Variants in PCDH15 observed in about 807,000 individuals in gnomAD.
PCDH15 encodes the protein protocadherin related 15, also known as protocadherin-15.
A neutral mutation model predicts 178.5 loss-of-function variants in PCDH15; 129 were observed. That is an observed-to-expected ratio of 0.72 (90% CI 0.63 to 0.84). The LOEUF (loss-of-function observed/expected upper bound fraction) is 0.84. Ranked by LOEUF, PCDH15 falls within the 40% of genes least tolerant of loss-of-function variation. The pLI is 0.00. For synonymous variants in PCDH15, 800 were observed against 732.0 expected, an observed-to-expected ratio of 1.09 and a Z score of -1.50; for missense variants, 2,230 against 2,099.9, an observed-to-expected ratio of 1.06 and a Z score of -1.21.
At chr10:55,142,381 G>A (rs1382470959) in intron 2 of PCDH15, among the ~76,000 whole-genome samples, 1 of 151,654 alleles carries the variant, frequency 6.6e-6, no homozygotes, top group African/African-American at 2.4e-5. Context: ...TAGAGTATAA[G>A]TTTTCCTACC....
At chr10:55,041,846 C>G (rs1840869782) in intron 2 of PCDH15, among the ~76,000 whole-genome samples, 1 of 152,052 alleles carries the variant, frequency 6.6e-6, no homozygotes, top group Non-Finnish European at 1.5e-5. Flanking sequence ...TAAACAAGTT[C>G]TGCATAGAAA....
At chr10:53,830,011 T>C (rs1275239929) in intron 30 of PCDH15, among the ~76,000 whole-genome samples, 2 of 152,106 alleles carry the variant, frequency 1.3e-5, no homozygotes, top group Non-Finnish European at 2.9e-5. Flanking sequence ...TAAGAATACA[T>C]AAGGACTATT....
At chr10:54,462,954 A>G (rs1344916219) in intron 3 of PCDH15, among the ~76,000 whole-genome samples, 1 of 151,994 alleles carries the variant, frequency 6.6e-6, no homozygotes, top group African/African-American at 2.4e-5. Context: ...AAATGTTTAC[A>G]TCATTTTAAA....
intron 2 of PCDH15, chr10:55,597,223 T>C (rs1842953647): frequency 6.6e-6 from 1 of 152,170 alleles, no homozygotes; most frequent in Non-Finnish European, 1.5e-5. Context: ...TTGAAGGGCA[T>C]AACAATCAAT....
Position 55,494,261 on chromosome 10 carries a change from G to A in PCDH15, c.-156+133364C>T, listed in dbSNP as rs117452657. 3.5e-3 allele frequency among the ~76,000 whole-genome samples: 538 copies of A among 151,670 alleles called. 4 individuals are homozygous for A. Among genetic ancestry groups the A allele is most frequent in the Middle Eastern group, 6.8e-3 (2 of 294 alleles). On this transcript the variant is annotated intron_variant, in intron 2 of 5. Transcript: ENST00000613346. ...TGAATAATTGTTTCTTTATTTTATA[G>A]TCTACTTTGATATTCATATAGCCAC...
Position 54,844,624 on chromosome 10 carries a change from CT to C in PCDH15, c.-29+52825del, listed in dbSNP as rs556901087. Among the ~76,000 whole-genome samples the C allele has an allele frequency of 2.7e-4, 41 of 150,966 alleles. 1 individual carries two copies. The South Asian group carries it at 4.8e-3, about 18-fold the overall frequency. ...CTGAGTAAAGGCAAGTTTTCTTTTG[CT>C]TTTTTTTTGAATATTAATAATTTTT... On this transcript the variant is annotated intron_variant, in intron 3 of 5. Transcript: ENST00000458638.
intron 1 of PCDH15, among the ~76,000 whole-genome samples, chr10:54,781,341 A>G (rs190852782): frequency 1.1e-3 from 160 of 152,120 alleles, no homozygotes; most frequent in Admixed American, 1.6e-3. Context: ...ACAGGCCCTA[A>G]GTCAAATATA....
At chr10:55,450,046 A>C (rs1839399903) in intron 2 of PCDH15, among the ~76,000 whole-genome samples, 1 of 152,140 alleles carries the variant, frequency 6.6e-6, no homozygotes, top group Non-Finnish European at 1.5e-5. Flanking sequence ...TTTTTATTTT[A>C]ACCTTTACTT....
chr10:55,367,377 T>C (rs1432245226), intron 2 of PCDH15, among the ~76,000 whole-genome samples: 1 of 151,998 alleles, frequency 6.6e-6, no homozygotes, highest in Non-Finnish European at 1.5e-5. Context: ...GCCCAGGAGT[T>C]TGAGACCAGC....
chr10:55,446,699 C>T (rs1217557670), intron 2 of PCDH15, among the ~76,000 whole-genome samples: 1 of 152,052 alleles, frequency 6.6e-6, no homozygotes, highest in Non-Finnish European at 1.5e-5. Context: ...AATATTAAGC[C>T]TGTGTCTTAA....
At chr10:55,218,730 C>A (rs2132180691) in intron 1 of PCDH15, among the ~76,000 whole-genome samples, 2 of 152,056 alleles carry the variant, frequency 1.3e-5, no homozygotes, top group East Asian at 3.9e-4. Flanking sequence ...GTGTGGAAAA[C>A]TTTGGGCACT....
chr10:55,164,325 G>T, intron 2 of PCDH15, among the ~76,000 whole-genome samples: 1 of 149,828 alleles, frequency 6.7e-6, no homozygotes, highest in Non-Finnish European at 1.5e-5. Context: ...TATTCTTTTT[G>T]GTCAATGTTT....
intron 2 of PCDH15, among the ~76,000 whole-genome samples, chr10:55,084,001 C>T (rs1222393638): frequency 6.6e-6 from 1 of 151,572 alleles, no homozygotes; most frequent in African/African-American, 2.4e-5. Flanking sequence ...TCCATACTAC[C>T]CAAAGCAATA....
chr10:55,059,275 C>G (rs1010330992), intron 2 of PCDH15, among the ~76,000 whole-genome samples: 2 of 152,172 alleles, frequency 1.3e-5, no homozygotes, highest in African/African-American at 4.8e-5. Context: ...CTGATAACTA[C>G]AAATGTTGTC....
At chr10:54,177,104 T>C (rs890461756) in intron 13 of PCDH15, among the ~76,000 whole-genome samples, 14 of 152,086 alleles carry the variant, frequency 9.2e-5, no homozygotes, top group Admixed American at 2.6e-4. Context: ...CCTGAAAAGA[T>C]ATGGGCTATT....
intron 1 of PCDH15, among the ~76,000 whole-genome samples, chr10:55,276,893 C>T (rs934243383): frequency 2.0e-5 from 3 of 151,944 alleles, no homozygotes; most frequent in South Asian, 2.1e-4. Context: ...TTTCTTACTT[C>T]CAATGAACTC....
At chr10:54,417,047 A>T (rs1302662553) in intron 3 of PCDH15, among the ~76,000 whole-genome samples, 1 of 151,744 alleles carries the variant, frequency 6.6e-6, no homozygotes, top group East Asian at 1.9e-4. Flanking sequence ...GACTGCAAAA[A>T]TTTTCTCCCA....
chr10:54,032,510 T>C (rs1352875988), intron 18 of PCDH15, among the ~76,000 whole-genome samples: 1 of 152,008 alleles, frequency 6.6e-6, no homozygotes, highest in Non-Finnish European at 1.5e-5. Flanking sequence ...TTCAATTACA[T>C]ATCATTCCCA....
chr10:55,427,798 A>C (rs752939023), intron 2 of PCDH15, among the ~76,000 whole-genome samples: 3 of 143,000 alleles, frequency 2.1e-5, no homozygotes, highest in Non-Finnish European at 4.9e-5. Flanking sequence ...TAAAAAGTAA[A>C]TTATTAAATA....
Sources: allele counts gnomAD v4.1 joint callset (sites outside exome capture counted in the v4.1 genomes callset), GRCh38; gene constraint gnomAD v4.1.1; transcripts MANE v1.5; gene names NCBI Gene and HGNC (gene_info 2026-07-23, HGNC 2026-07-21).